GRID2: variants seen among roughly 807,000 people sequenced by gnomAD.
GRID2 encodes glutamate receptor ionotropic, delta-2.
Under a neutral mutation model 114.8 loss-of-function variants are expected in GRID2, and 33 were observed. The ratio of observed to expected loss-of-function variants is 0.29; its 90% confidence interval spans 0.22 to 0.38. The LOEUF (loss-of-function observed/expected upper bound fraction) is 0.38. Ranked by LOEUF, GRID2 falls within the 10% of genes least tolerant of loss-of-function variation. The pLI, the probability that GRID2 is intolerant of heterozygous loss-of-function variation, is 1.00. For synonymous variants in GRID2, 505 were observed against 449.9 expected (o/e 1.12, Z -1.55); for missense variants, 1,184 against 1,257.7 (o/e 0.94, Z 0.89).
intron 15 of GRID2, 51 bp from the exon 16 acceptor site, chr4:93,772,025 C>T: frequency 1.9e-6 from 2 of 1,056,986 alleles, no homozygotes; most frequent in Non-Finnish European, 1.4e-6. Flanking sequence ...TTTTTTTAAC[C>T]ATCAAAGCTA....
intron 14 of GRID2, among the ~76,000 whole-genome samples, chr4:93,683,619 A>G (rs1006130845): frequency 1.3e-5 from 2 of 152,070 alleles, no homozygotes; most frequent in Non-Finnish European, 2.9e-5. Context: ...CCTTTTCCTA[A>G]CTACTGAAAC....
intron 13 of GRID2, among the ~76,000 whole-genome samples, chr4:93,589,881 C>T (rs1297941130): frequency 6.6e-6 from 1 of 151,488 alleles, no homozygotes; most frequent in Non-Finnish European, 1.5e-5. Context: ...ATGTCCTTTG[C>T]CCACTTGTTG....
chr4:93,568,891 CCT>C (rs1360053610), intron 13 of GRID2, among the ~76,000 whole-genome samples: 1 of 152,118 alleles, frequency 6.6e-6, no homozygotes, highest in Admixed American at 6.6e-5. Flanking sequence ...GGCCAAACCC[CCT>C]GAGACACCTG....
intron 11 of GRID2, among the ~76,000 whole-genome samples, chr4:93,486,974 C>T (rs561017606): frequency 3.3e-5 from 5 of 151,796 alleles, no homozygotes; most frequent in East Asian, 1.9e-4. Context: ...TTTTGTGGTG[C>T]GTAGGTTTTA....
At chr4:92,514,135 C>T (rs1363086417) in intron 1 of GRID2, among the ~76,000 whole-genome samples, 1 of 151,844 alleles carries the variant, frequency 6.6e-6, no homozygotes, top group Non-Finnish European at 1.5e-5. Context: ...TATGAGCCAA[C>T]TGATGAGTTC....
intron 1 of GRID2, among the ~76,000 whole-genome samples, chr4:92,560,291 C>T (rs749274656): frequency 2.8e-4 from 43 of 152,270 alleles, no homozygotes; most frequent in Non-Finnish European, 5.7e-4. Flanking sequence ...CCCCTTTCCT[C>T]TTTTCCCACC....
At chr4:92,332,751 G>A (rs1261907498) in intron 1 of GRID2, among the ~76,000 whole-genome samples, 3 of 152,140 alleles carry the variant, frequency 2.0e-5, no homozygotes, top group Non-Finnish European at 2.9e-5. Flanking sequence ...GGAGAAGCAG[G>A]CAAGAAGAAA....
chr4:92,426,362 AG>A (rs1348761953), intron 1 of GRID2, among the ~76,000 whole-genome samples: 2 of 152,148 alleles, frequency 1.3e-5, no homozygotes, highest in African/African-American at 4.8e-5. Context: ...AATGGTATTC[AG>A]GGTAGAAAAG....
chr4:92,395,493 C>A (rs1730448811), intron 1 of GRID2, among the ~76,000 whole-genome samples: 1 of 151,606 alleles, frequency 6.6e-6, no homozygotes, highest in Non-Finnish European at 1.5e-5. Flanking sequence ...TTATAATTAT[C>A]TGTAATGGTT....
chr4:93,119,721 A>G (rs949125568), intron 4 of GRID2, among the ~76,000 whole-genome samples: 2 of 152,208 alleles, frequency 1.3e-5, no homozygotes, highest in African/African-American at 4.8e-5. Context: ...CAAACAACAA[A>G]AAGGCAAAGT....
At chr4:92,505,371 A>G (rs889015265) in intron 1 of GRID2, among the ~76,000 whole-genome samples, 5 of 152,050 alleles carry the variant, frequency 3.3e-5, no homozygotes, top group African/African-American at 1.2e-4. Flanking sequence ...AGTCATATCA[A>G]GTGCTCCTAA....
At position 92,868,363 on chromosome 4, in the gene GRID2, A is replaced by G. The variant is rs558475183; in HGVS notation, c.245-216632A>G. Among the ~76,000 whole-genome samples, 18 of 152,198 alleles carry G rather than the reference A, an allele frequency of 1.2e-4. 2 individuals are homozygous for G. In the South Asian group the frequency reaches 3.3e-3, roughly 28 times the overall value. The stretch of plus-strand genomic sequence containing the variant: ...ACCAACCTCATAACAAACCTGAAGC[A>G]TATTAAGCCTTAGGAGATTTGGTTC... On this transcript the variant is annotated intron_variant, in intron 2 of 15. Coordinates refer to ENST00000282020, the MANE Select transcript of GRID2 (RefSeq NM_001510.4).
intron 2 of GRID2, among the ~76,000 whole-genome samples, chr4:92,820,600 G>A (rs1429986596): frequency 2.6e-5 from 4 of 152,108 alleles, no homozygotes; most frequent in Admixed American, 1.3e-4. Context: ...AAAGTGTTTA[G>A]CTTAGAGAAT....
intron 2 of GRID2, among the ~76,000 whole-genome samples, chr4:92,987,878 A>T (rs1754608349): frequency 6.6e-6 from 1 of 152,146 alleles, no homozygotes; most frequent in African/African-American, 2.4e-5. Context: ...ATTTAATTAG[A>T]TATCTGCTAA....
intron 2 of GRID2, among the ~76,000 whole-genome samples, chr4:92,908,586 C>T (rs1428271968): frequency 6.8e-6 from 1 of 146,108 alleles, no homozygotes; most frequent in Non-Finnish European, 1.5e-5. Flanking sequence ...AAAAAGCAGC[C>T]ATTACTAAAC....
At chr4:93,742,112 C>A (rs1260137517) in intron 14 of GRID2, among the ~76,000 whole-genome samples, 1 of 152,106 alleles carries the variant, frequency 6.6e-6, no homozygotes, top group Non-Finnish European at 1.5e-5. Context: ...GATTCACAAT[C>A]ATCTACATTT....
intron 11 of GRID2, among the ~76,000 whole-genome samples, chr4:93,480,096 A>G (rs905339769): frequency 6.6e-6 from 1 of 152,146 alleles, no homozygotes; most frequent in East Asian, 1.9e-4. Flanking sequence ...AGATGTTTAT[A>G]GCAATGTAAT....
At chr4:92,458,758 A>T (rs184872795) in intron 1 of GRID2, among the ~76,000 whole-genome samples, 64 of 152,334 alleles carry the variant, frequency 4.2e-4, no homozygotes, top group Non-Finnish European at 8.7e-4. Flanking sequence ...AAGTTGCTAC[A>T]TGTAAAAACT....
At chr4:93,554,971 G>C (rs1022357411) in intron 13 of GRID2, among the ~76,000 whole-genome samples, 2 of 152,146 alleles carry the variant, frequency 1.3e-5, no homozygotes, top group Non-Finnish European at 2.9e-5. Flanking sequence ...GCTGAAGCAG[G>C]GTTGGGCATC....
Sources: gnomAD v4.1 joint callset for allele counts (sites outside exome capture counted in the v4.1 genomes callset) on GRCh38, gnomAD v4.1.1 for gene constraint, MANE v1.5 for transcripts, NCBI Gene and HGNC (gene_info 2026-07-23, HGNC 2026-07-21) for gene names.